RAB33B: variants seen among roughly 807,000 people sequenced by gnomAD.
RAB33B encodes ras-related protein Rab-33B.
In RAB33B, 6 loss-of-function variants were observed where a neutral mutation model predicts 15.0. That is an observed-to-expected ratio of 0.40 (90% CI 0.22 to 0.79). The LOEUF (loss-of-function observed/expected upper bound fraction) is 0.79. Ranked by LOEUF, RAB33B falls within the 30% of genes least tolerant of loss-of-function variation. The probability of loss-of-function intolerance (pLI) is 0.37; values close to 1 mark genes in which losing one functional copy is unlikely to be tolerated. For synonymous variants in RAB33B, 117 were observed against 108.3 expected, an observed-to-expected ratio of 1.08 and a Z score of -0.50; for missense variants, 257 against 296.4, an observed-to-expected ratio of 0.87 and a Z score of 0.98.
chr4:139,454,176 G>T lies in RAB33B; in HGVS notation c.-20G>T, dbSNP rs1750014547. On this transcript the variant is annotated 5_prime_UTR_variant, in exon 1 of 2. Coordinates refer to ENST00000305626, the MANE Select transcript of RAB33B (RefSeq NM_031296.3). ...TCTGTGTCTCCTTTCCTCCGCCTCA[G>T]TTTGGGGCGGGTCGGGGGAATGGCT... 1 of 1,600,858 alleles carries T rather than the reference G, an allele frequency of 6.2e-7. No individual in the cohort carries two copies.
chr4:139,464,361 C>T (rs377318950), intron 1 of RAB33B, among the ~76,000 whole-genome samples: 35 of 140,444 alleles, frequency 2.5e-4, no homozygotes, highest in African/African-American at 5.7e-4. Context: ...AAATTTTGAA[C>T]GGGATTGATG....
At chr4:139,467,181 C>G (rs1312658224) in intron 1 of RAB33B, among the ~76,000 whole-genome samples, 2 of 150,652 alleles carry the variant, frequency 1.3e-5, no homozygotes, top group Non-Finnish European at 3.0e-5. Context: ...GTTGGCCAGG[C>G]TGGTTATGAA....
upstream of RAB33B, chr4:139,451,914 G>T (rs895078398): frequency 3.3e-5 from 5 of 152,208 alleles, no homozygotes; most frequent in Non-Finnish European, 5.9e-5. Flanking sequence ...AAACAGGGCT[G>T]TATAATCCAT....
At chr4:139,455,958 C>T (rs535361322) in intron 1 of RAB33B, among the ~76,000 whole-genome samples, 18 of 152,136 alleles carry the variant, frequency 1.2e-4, no homozygotes, top group South Asian at 2.1e-4. Context: ...TCTCACATCC[C>T]GGGGACCCCC....
rs549296497 is a variant in RAB33B, at chr4:139,456,363, C to A, written c.249+1919C>A. Among the ~76,000 whole-genome samples the A allele has an allele frequency of 1.5e-3, 230 of 152,178 alleles. 1 individual carries two copies. The highest frequency in any genetic ancestry group is 5.2e-3 in the African/African-American group (217 of 41,518). On this transcript the variant is annotated intron_variant, in intron 1 of 1. Coordinates refer to ENST00000305626, the MANE Select transcript of RAB33B (RefSeq NM_031296.3). ...TGGGGGAGGAGTTGGGATTTGAGGG[C>A]CCTTTATCTGTTCCTGGGTTGCCAT... is the stretch of plus-strand genomic sequence containing the variant.
At chr4:139,469,904 CACAA>C (rs919026470) in intron 1 of RAB33B, among the ~76,000 whole-genome samples, 77 of 152,320 alleles carry the variant, frequency 5.1e-4, no homozygotes, top group African/African-American at 1.8e-3. Flanking sequence ...AGTGGAGGGA[CACAA>C]GCACCCCTGT....
chr4:139,475,480 ATT>A lies in RAB33B; in HGVS notation c.*2359_*2360del, dbSNP rs1341349613. 2 of 151,872 alleles carry A rather than the reference ATT, an allele frequency of 1.3e-5. No homozygotes were observed. Among genetic ancestry groups the A allele is most frequent in the Non-Finnish European group, 2.9e-5 (2 of 67,880 alleles). The allele number at this position is 151,872 out of a possible 1,614,324, so 9.4% of individuals were successfully genotyped here. A position where few individuals can be genotyped will look rare whatever the true frequency, so the allele number is the denominator to read the frequency against. ...ATCTCATTTGTAACAATTTGTTTTA[ATT>A]TTTTATATATATGTTTTTATTTTTA... On this transcript the variant is annotated 3_prime_UTR_variant, in exon 2 of 2. Transcript: ENST00000305626.
upstream of RAB33B, chr4:139,453,671 G>A (rs1023577490): frequency 3.9e-5 from 6 of 152,266 alleles, no homozygotes; most frequent in African/African-American, 1.4e-4. Flanking sequence ...CGGAGCCGTC[G>A]GCTCCGTCCT....
chr4:139,453,372 A>G (rs1235880782), upstream of RAB33B: 1 of 151,636 alleles, frequency 6.6e-6, no homozygotes, highest in East Asian at 1.9e-4. Flanking sequence ...GCGGTCTCGA[A>G]CTCCAGCCTG....
At chr4:139,460,426 G>A (rs1377429205) in intron 1 of RAB33B, among the ~76,000 whole-genome samples, 3 of 152,190 alleles carry the variant, frequency 2.0e-5, no homozygotes, top group Non-Finnish European at 4.4e-5. Flanking sequence ...ATGGCATGAT[G>A]AAGATGACAT....
At chr4:139,465,793 G>A (rs183302106) in intron 1 of RAB33B, among the ~76,000 whole-genome samples, 1,525 of 149,554 alleles carry the variant, frequency 0.01, 16 homozygotes, top group Middle Eastern at 0.024. Flanking sequence ...GCAGTGGCAC[G>A]ATTATGGCTC....
chr4:139,462,395 G>A (rs1461121626), intron 1 of RAB33B, among the ~76,000 whole-genome samples: 3 of 152,168 alleles, frequency 2.0e-5, no homozygotes, highest in African/African-American at 7.2e-5. Context: ...AATGAGAAAT[G>A]ATCTGACTTT....
upstream of RAB33B, chr4:139,453,915 C>T: frequency 3.4e-6 from 1 of 295,514 alleles, no homozygotes; most frequent in Non-Finnish European, 6.2e-6. Context: ...AAGCCCCCGA[C>T]AGGTCCCACG....
intron 1 of RAB33B, among the ~76,000 whole-genome samples, chr4:139,459,465 C>T (rs1750128792): frequency 6.6e-6 from 1 of 152,042 alleles, no homozygotes; most frequent in South Asian, 2.1e-4. Flanking sequence ...CTCCTCACAC[C>T]TCCAGTCAGC....
At chr4:139,443,758 G>C in the RAB33B span, among the ~76,000 whole-genome samples, 1 of 152,138 alleles carries the variant, frequency 6.6e-6, no homozygotes, top group African/African-American at 2.4e-5. Context: ...AAAAGAAACA[G>C]CTTCCCCATC....
At chr4:139,471,239 G>T (rs1455084906) in intron 1 of RAB33B, among the ~76,000 whole-genome samples, 3 of 152,104 alleles carry the variant, frequency 2.0e-5, no homozygotes, top group Non-Finnish European at 4.4e-5. Flanking sequence ...TCTGGCTGGG[G>T]CTGGGTTAAG....
chr4:139,448,948 G>T (rs1403657581), upstream of RAB33B: 1 of 152,432 alleles, frequency 6.6e-6, no homozygotes, highest in Non-Finnish European at 1.5e-5. Context: ...GACTGTGTGT[G>T]TGGGGAGGGC....
At chr4:139,472,049 T>C (rs144326535) in intron 1 of RAB33B, among the ~76,000 whole-genome samples, 148 of 152,358 alleles carry the variant, frequency 9.7e-4, no homozygotes, top group African/African-American at 3.2e-3. Flanking sequence ...ACAGTTCTGT[T>C]CCATTGATTT....
rs1482534983 is a variant in RAB33B, at chr4:139,473,906, T to TC, written c.*780_*781insC. 7.1e-6 allele frequency: 1 copy of TC among 141,826 alleles called. No individual in the cohort carries two copies. Among genetic ancestry groups the TC allele is most frequent in the African/African-American group, 2.6e-5 (1 of 38,366 alleles). The allele number at this position is 141,826 out of a possible 1,614,324, so 8.8% of individuals were successfully genotyped here. ...GTTATTTGAGTTTCTTTCTTTCTTT[T>TC]TTTTTTTTTTTTTTTTTGAGATGGA... On this transcript the variant is annotated 3_prime_UTR_variant, in exon 2 of 2. Transcript: ENST00000305626.
Sources: allele counts gnomAD v4.1 joint callset (sites outside exome capture counted in the v4.1 genomes callset), GRCh38; gene constraint gnomAD v4.1.1; transcripts MANE v1.5; gene names NCBI Gene and HGNC (gene_info 2026-07-23, HGNC 2026-07-21).